The following ZFC3H1 variants were observed in gnomAD, a reference collection of about 807,000 sequenced individuals.
ZFC3H1 encodes the protein zinc finger C3H1 domain-containing protein.
ZFC3H1 carries 71 observed loss-of-function variants against 243.7 expected under a neutral mutation model. The observed-to-expected ratio is 0.29, with a 90% CI of 0.24 to 0.36. ZFC3H1 has a LOEUF of 0.36. Among genes scored for constraint, ZFC3H1 ranks in the 10% least tolerant of loss-of-function variants. The pLI is 1.00. For missense variants in ZFC3H1, 1,966 were observed against 2,317.1 expected (o/e 0.85, Z 3.11); for synonymous variants, 838 against 813.0 (o/e 1.03, Z -0.52).
chr12:71,620,183 G>T, intron 25 of ZFC3H1, 27 bp downstream of exon 25: 1 of 1,613,780 alleles, frequency 6.2e-7, no homozygotes, highest in Non-Finnish European at 8.5e-7. Context: ...TTAATATAAG[G>T]TTAGCTGCTT....
chr12:71,617,082 T>G (rs1184514021), intron 27 of ZFC3H1, among the ~76,000 whole-genome samples: 1 of 152,218 alleles, frequency 6.6e-6, no homozygotes, highest in East Asian at 1.9e-4. Flanking sequence ...GTTGACAGAA[T>G]TCAACTCCAG....
intron 6 of ZFC3H1, among the ~76,000 whole-genome samples, chr12:71,639,154 A>T (rs1880539165): frequency 6.6e-6 from 1 of 152,158 alleles, no homozygotes; most frequent in African/African-American, 2.4e-5. Flanking sequence ...ATCTTCAATG[A>T]CTTGTTAGGC....
chr12:71,629,477 T>C (rs1022348270), intron 19 of ZFC3H1, 132 bp downstream of exon 19: 20 of 602,808 alleles, frequency 3.3e-5, no homozygotes, highest in African/African-American at 3.2e-4. Flanking sequence ...TGGAATGATA[T>C]GTATTACATT....
At chr12:71,662,044 T>C (rs1384512464) in intron 1 of ZFC3H1, among the ~76,000 whole-genome samples, 5 of 152,236 alleles carry the variant, frequency 3.3e-5, no homozygotes, top group Non-Finnish European at 7.3e-5. Context: ...CATCACACTA[T>C]GTGAATTACA....
At chr12:71,655,581 G>A (rs926588933) in intron 2 of ZFC3H1, among the ~76,000 whole-genome samples, 4 of 152,002 alleles carry the variant, frequency 2.6e-5, no homozygotes, top group Admixed American at 2.6e-4. Flanking sequence ...ACAGGAAATA[G>A]ACACATTACA....
intron 30 of ZFC3H1, 21 bp from the exon 31 acceptor site, chr12:71,613,456 GA>G: frequency 2.0e-6 from 3 of 1,538,150 alleles, no homozygotes; most frequent in East Asian, 2.3e-5. Flanking sequence ...TGAGGGGGGC[GA>G]AAAATGAATG....
At chr12:71,642,673 T>C in intron 5 of ZFC3H1, 114 bp from the exon 6 acceptor site, 1 of 1,227,310 alleles carries the variant, frequency 8.1e-7, no homozygotes, top group Non-Finnish European at 1.1e-6. Context: ...GGTGATTCAG[T>C]TAGATGTGCC....
intron 1 of ZFC3H1, among the ~76,000 whole-genome samples, chr12:71,657,718 G>A (rs1881057324): frequency 1.3e-5 from 2 of 152,180 alleles, no homozygotes; most frequent in South Asian, 4.1e-4. Context: ...GCCAGGCGCG[G>A]TGGCTCACGC....
rs1359072265 is a variant in ZFC3H1 at position 71,631,053 on chromosome 12, GCTTA to G, written c.3471-103_3471-100del. ...TTCTTTCTCAAGTTAAAATTTCCAT[GCTTA>G]CTATTTATGAGCTATTTATCTAATT... is the stretch of plus-strand genomic sequence containing the variant. On this transcript the variant is annotated intron_variant, in intron 16 of 34. Transcript: ENST00000378743. 6 of 1,259,906 alleles carry G rather than the reference GCTTA, an allele frequency of 4.8e-6. No individual in the cohort carries two copies. In the African/African-American group the frequency reaches 7.5e-5, roughly 16 times the overall value. 78.0% of individuals were successfully genotyped at this position (1,259,906 alleles called of 1,614,324 possible). A position where few individuals can be genotyped will look rare whatever the true frequency, so the allele number is the denominator to read the frequency against.
chr12:71,635,300 C>A, intron 10 of ZFC3H1, 143 bp downstream of exon 10: 1 of 1,062,552 alleles, frequency 9.4e-7, no homozygotes, highest in Non-Finnish European at 1.3e-6. Flanking sequence ...ATATAAAGTC[C>A]TAATAGCACA....
Position 71,636,659 on chromosome 12 carries a change from A to G in ZFC3H1, c.1936-5T>C. 6.3e-7 allele frequency: 1 copy of G among 1,598,134 alleles called. No individual in the cohort carries two copies. The highest frequency in any genetic ancestry group is 1.1e-5 in the South Asian group (1 of 87,542). ...GTCACTATTACTGGATGTTTCCTAC[A>G]TAAGGAAGAGAAAGACATTAAACAT... On this transcript the variant is annotated splice_polypyrimidine_tract_variant and splice_region_variant and intron_variant, in intron 8 of 34. Coordinates refer to ENST00000378743, the MANE Select transcript of ZFC3H1 (RefSeq NM_144982.5).
intron 13 of ZFC3H1, 83 bp from the exon 14 acceptor site, chr12:71,633,100 G>A: frequency 2.8e-6 from 4 of 1,454,284 alleles, no homozygotes; most frequent in Admixed American, 2.7e-5. Context: ...CGTGGCTTTT[G>A]AGCATTCAAC....
At chr12:71,632,655 A>C in intron 14 of ZFC3H1, 141 bp from the exon 15 acceptor site, 2 of 1,267,604 alleles carry the variant, frequency 1.6e-6, no homozygotes, top group African/African-American at 1.5e-5. Flanking sequence ...AGAGTTTAAC[A>C]TAAGTAGCCA....
At chr12:71,642,622 G>A (rs1349228584) in intron 5 of ZFC3H1, 63 bp from the exon 6 acceptor site, 4 of 1,529,930 alleles carry the variant, frequency 2.6e-6, no homozygotes, top group Non-Finnish European at 3.5e-6. Context: ...AATCACAAAA[G>A]AACTGATAGT....
At chr12:71,646,369 A>C (rs1290993399) in intron 3 of ZFC3H1, among the ~76,000 whole-genome samples, 3 of 152,204 alleles carry the variant, frequency 2.0e-5, no homozygotes, top group Admixed American at 2.0e-4. Context: ...GCAATGAGCC[A>C]CATGTGGCTA....
Position 71,663,567 on chromosome 12 carries a change from G to T in ZFC3H1, c.44C>A (p.Ser15Ter). 6.2e-7 allele frequency: 1 copy of T among 1,612,870 alleles called. No homozygotes were observed. ...DTPAPASSGL[S>*]PKEEGELEDG... is the part of the protein sequence containing the mutation. ...TTCAAGCTCCCCTTCTTCCTTCGGC[G>T]AGAGGCCACTGGAGGCCGGGGCCGG... The change falls in exon 1 of 35, where the codon TCG (serine) becomes TAG (stop). Residue 15 changes from serine to a stop codon, truncating the protein, a stop_gained. Transcript: ENST00000378743. LOFTEE classifies it high-confidence loss of function.
In ZFC3H1 at chr12:71,647,796, GTTCT is replaced by G; in HGVS notation, c.1029_1032del (p.Lys343AsnfsTer4). 7.2e-7 allele frequency: 1 copy of G among 1,395,500 alleles called. No homozygotes were observed. 86.4% of individuals were successfully genotyped at this position (1,395,500 alleles called of 1,614,324 possible). ...GTACTAATTCTTCTTGTTAAATTTT[GTTCT>G]TTATCTTGTAATCCTTTAAAATAAA... On this transcript the variant is annotated frameshift_variant, in exon 3 of 35. Coordinates refer to ENST00000378743, the MANE Select transcript of ZFC3H1 (RefSeq NM_144982.5). LOFTEE classifies it high-confidence loss of function.
At chr12:71,635,390 T>A in intron 10 of ZFC3H1, 53 bp downstream of exon 10, 1 of 1,533,396 alleles carries the variant, frequency 6.5e-7, no homozygotes. Flanking sequence ...AAAATAAACT[T>A]TACTGATCAT....
intron 21 of ZFC3H1, among the ~76,000 whole-genome samples, chr12:71,626,989 C>T (rs949852072): frequency 2.0e-5 from 3 of 152,108 alleles, no homozygotes; most frequent in African/African-American, 7.2e-5. Flanking sequence ...AACACTGTAA[C>T]TTATCCCATT....
Sources: allele counts gnomAD v4.1 joint callset (sites outside exome capture counted in the v4.1 genomes callset), GRCh38; gene constraint gnomAD v4.1.1; transcripts MANE v1.5; gene names NCBI Gene and HGNC (gene_info 2026-07-23, HGNC 2026-07-21).